The following ACAN variants were observed in gnomAD, a reference collection of about 807,000 sequenced individuals.
The protein encoded by ACAN is aggrecan, also known as aggrecan core protein.
In ACAN, 47 loss-of-function variants were observed where a neutral mutation model predicts 169.1. The observed-to-expected ratio is 0.28, with a 90% CI of 0.22 to 0.35. The LOEUF is 0.35. Ranked by LOEUF, ACAN falls within the 10% of genes least tolerant of loss-of-function variation. The pLI, the probability that ACAN is intolerant of heterozygous loss-of-function variation, is 1.00. For synonymous variants in ACAN, 1,115 were observed against 1,112.2 expected, an observed-to-expected ratio of 1.00 and a Z score of -0.05; for missense variants, 2,716 against 2,759.9, an observed-to-expected ratio of 0.98 and a Z score of 0.36.
chr15:88,836,942 C>T (rs1472179779), intron 2 of ACAN, among the ~76,000 whole-genome samples: 1 of 152,248 alleles, frequency 6.6e-6, no homozygotes, highest in Non-Finnish European at 1.5e-5. Flanking sequence ...CCCCACTGGC[C>T]ATCCTCCAGC....
chr15:88,852,196 G>C (rs768664918), intron 11 of ACAN, among the ~76,000 whole-genome samples, 163 bp downstream of exon 11: 1 of 152,200 alleles, frequency 6.6e-6, no homozygotes, highest in Non-Finnish European at 1.5e-5. Context: ...AGCCACCTCA[G>C]CTGGCCTCTA....
chr15:88,872,013 A>C lies in ACAN; in HGVS notation c.7230A>C (p.Gln2410His). The change falls in exon 16 of 19, where the codon CAA becomes CAC. Residue 2410 changes from glutamine to histidine, a missense_variant. Gln to His is a conservative substitution (Grantham distance 24, BLOSUM62 0). Transcript: ENST00000560601. This position sits in a 1 kb window ranked among gnomAD's most constrained non-coding sequence, Gnocchi z 5.4. ...EEQEFVNNNA[Q>H]DYQWIGLNDR... ...TCACCCTTTCCCCAGACAATGCCCA[A>C]GACTACCAGTGGATCGGCCTGAACG... The C allele has an allele frequency of 6.2e-7, 1 of 1,613,940 alleles. No homozygotes were observed. Among genetic ancestry groups the C allele is most frequent in the Non-Finnish European group, 8.5e-7 (1 of 1,179,874 alleles).
In ACAN at chr15:88,873,239, C is replaced by A. The variant is rs559717341; in HGVS notation, c.7447+214C>A. 6.6e-6 allele frequency among the ~76,000 whole-genome samples: 1 copy of A among 152,260 alleles called. No homozygotes were observed. The highest frequency in any genetic ancestry group is 6.5e-5 in the Admixed American group (1 of 15,296). ...CAAGGGCAAGCTCGCTGCCAGGGACCGTTTGCAGGGACAGCAAGCACATGA... is the reference window on the plus strand; with the variant it reads ...CAAGGGCAAGCTCGCTGCCAGGGACAGTTTGCAGGGACAGCAAGCACATGA... On this transcript the variant is annotated intron_variant, in intron 17 of 18. Transcript: ENST00000560601. This position sits in a 1 kb window ranked among gnomAD's most constrained non-coding sequence, Gnocchi z 7.5.
At chr15:88,815,733 C>T (rs987486095) in intron 1 of ACAN, among the ~76,000 whole-genome samples, 5 of 147,940 alleles carry the variant, frequency 3.4e-5, no homozygotes, top group East Asian at 2.0e-4. Context: ...GAAATCTAAG[C>T]GACCCTGAGG....
chr15:88,855,061 T>G lies in ACAN; in HGVS notation c.2476T>G (p.Ser826Ala), dbSNP rs1275046894. Residue 826 changes from serine to alanine, a missense_variant, in exon 12 of 19, where the codon TCC becomes GCC. Transcript: ENST00000560601. ...GTTCCCCTCAGAGGAGCCATTCCCC[T>G]CCAAGGAGCCATCCCCCTCAGAGGA... Reference protein sequence around the residue: ...ELFPSEEPFPSKEPSPSEEPS... With the variant: ...ELFPSEEPFPAKEPSPSEEPS... The G allele has an allele frequency of 6.3e-7, 1 of 1,585,344 alleles. No homozygotes were observed. The highest frequency in any genetic ancestry group is 8.6e-7 in the Non-Finnish European group (1 of 1,167,712).
At chr15:88,842,769 C>G (rs1388461358) in intron 5 of ACAN, among the ~76,000 whole-genome samples, 1 of 152,218 alleles carries the variant, frequency 6.6e-6, no homozygotes, top group Non-Finnish European at 1.5e-5. Flanking sequence ...AGAACCACCC[C>G]TGTGAGTGGA....
chr15:88,830,835 G>A (rs1047829868), intron 1 of ACAN, among the ~76,000 whole-genome samples: 2 of 152,098 alleles, frequency 1.3e-5, no homozygotes, highest in African/African-American at 4.8e-5. Flanking sequence ...CACTAAATTT[G>A]TAAAAATAAA....
intron 7 of ACAN, among the ~76,000 whole-genome samples, chr15:88,846,333 T>C (rs1896791094): frequency 6.6e-6 from 1 of 152,204 alleles, no homozygotes; most frequent in Non-Finnish European, 1.5e-5. Context: ...GTGGGCTGGG[T>C]TTAGCTGTTC....
chr15:88,874,935 T>C lies in ACAN; in HGVS notation c.*454T>C. The C allele has an allele frequency of 3.2e-6, 1 of 314,852 alleles. No individual in the cohort carries two copies. Among genetic ancestry groups the C allele is most frequent in the Non-Finnish European group, 6.1e-6 (1 of 163,120 alleles). 19.5% of individuals were successfully genotyped at this position (314,852 alleles called of 1,614,324 possible). On this transcript the variant is annotated 3_prime_UTR_variant, in exon 19 of 19. Coordinates refer to ENST00000560601, the MANE Select transcript of ACAN (RefSeq NM_001369268.1). The surrounding 1 kb of genome is among the most constrained non-coding windows in gnomAD (Gnocchi z 7.3). ...AAAGGAGCTGGAAGGAGCAGAGGCC[T>C]GAGAGCAGGAAGAACTCGGAACCGC...
In ACAN at chr15:88,873,045, G is replaced by T; in HGVS notation, c.7447+20G>T. On this transcript the variant is annotated intron_variant, in intron 17 of 18. Coordinates refer to ENST00000560601, the MANE Select transcript of ACAN (RefSeq NM_001369268.1). This position sits in a 1 kb window ranked among gnomAD's most constrained non-coding sequence, Gnocchi z 7.5. ...GCACAGGTAAGCTGGCGCCTGGGAGGGGTCAGGGGAGGATAGGATCAAGAC... is the reference window on the plus strand; with the variant it reads ...GCACAGGTAAGCTGGCGCCTGGGAGTGGTCAGGGGAGGATAGGATCAAGAC... 1 of 1,608,956 alleles carries T rather than the reference G, an allele frequency of 6.2e-7. No homozygotes were observed. Among genetic ancestry groups the T allele is most frequent in the East Asian group, 2.2e-5 (1 of 44,762 alleles).
intron 13 of ACAN, among the ~76,000 whole-genome samples, chr15:88,865,578 C>T (rs1220818684): frequency 6.6e-6 from 1 of 152,198 alleles, no homozygotes; most frequent in African/African-American, 2.4e-5. Flanking sequence ...ACTTGGCTCA[C>T]AGGAGGTTCT....
rs1897468304 is a variant in ACAN, at chr15:88,874,597, T to G, written c.*116T>G. On this transcript the variant is annotated 3_prime_UTR_variant, in exon 19 of 19. Coordinates refer to ENST00000560601, the MANE Select transcript of ACAN (RefSeq NM_001369268.1). The surrounding 1 kb of genome is among the most constrained non-coding windows in gnomAD (Gnocchi z 7.3). ...CTTTTTGTCATATAAGGAATCCCATTAAAGAAGGAAAAAAATAAATCCCAC... is the reference window on the plus strand; with the variant it reads ...CTTTTTGTCATATAAGGAATCCCATGAAAGAAGGAAAAAAATAAATCCCAC... 1 of 1,011,528 alleles carries G rather than the reference T, an allele frequency of 9.9e-7. No individual in the cohort carries two copies. The highest frequency in any genetic ancestry group is 2.0e-5 in the Admixed American group (1 of 50,168). 62.7% of individuals were successfully genotyped at this position (1,011,528 alleles called of 1,614,324 possible).
At position 88,873,107 on chromosome 15, in the gene ACAN, G is replaced by C. The variant is rs2141643067; in HGVS notation, c.7447+82G>C. The C allele has an allele frequency of 6.6e-7, 1 of 1,508,562 alleles. No individual in the cohort carries two copies. The highest frequency in any genetic ancestry group is 2.4e-5 in the East Asian group (1 of 41,846). The allele number at this position is 1,508,562 out of a possible 1,614,324, so 93.4% of individuals were successfully genotyped here. On this transcript the variant is annotated intron_variant, in intron 17 of 18. Transcript: ENST00000560601. The surrounding 1 kb of genome is among the most constrained non-coding windows in gnomAD (Gnocchi z 7.5). ...GGTGAGGCTCTTGCTGTGTGGCCTG[G>C]GGTGAGTCCCTTGTCTTCTGGCTGC...
rs1198065372 is a variant in ACAN at position 88,843,106 on chromosome 15, T to A, written c.758-249T>A. On this transcript the variant is annotated intron_variant, in intron 5 of 18. Coordinates refer to ENST00000560601, the MANE Select transcript of ACAN (RefSeq NM_001369268.1). This position sits in a 1 kb window ranked among gnomAD's most constrained non-coding sequence, Gnocchi z 4.0. ...CAGATTTCAAGTTTGCTCCACCCTT[T>A]GCCCAATCTCCCTGCCACTTTTGCT... 6.6e-6 allele frequency among the ~76,000 whole-genome samples: 1 copy of A among 152,244 alleles called. No individual in the cohort carries two copies. The highest frequency in any genetic ancestry group is 6.5e-5 in the Admixed American group (1 of 15,290).
rs372303872 is a variant in ACAN, at chr15:88,858,201, G to A, written c.5616G>A (p.Val1872=). ...ATCTGTCAGGCAAATCTGGGATGGT[G>A]GATGTCAGTGGACAGTTTTCTGGAA... ...EADLSGKSGM[V]DVSGQFSGTV... The change falls in exon 12 of 19, where the codon GTG becomes GTA. Residue 1872 remains valine (V), a synonymous_variant. Coordinates refer to ENST00000560601, the MANE Select transcript of ACAN (RefSeq NM_001369268.1). The surrounding 1 kb of genome is among the most constrained non-coding windows in gnomAD (Gnocchi z 4.0). 1.4e-5 allele frequency: 22 copies of A among 1,613,774 alleles called. No homozygotes were observed. The highest frequency in any genetic ancestry group is 1.3e-5 in the African/African-American group (1 of 74,902).
In ACAN at chr15:88,849,788, G is replaced by C. The variant is rs1896891263; in HGVS notation, c.2026+57G>C. 1 of 1,583,282 alleles carries C rather than the reference G, an allele frequency of 6.3e-7. No individual in the cohort carries two copies. Among genetic ancestry groups the C allele is most frequent in the Non-Finnish European group, 8.6e-7 (1 of 1,164,322 alleles). On this transcript the variant is annotated intron_variant, in intron 10 of 18. Transcript: ENST00000560601. The surrounding 1 kb of genome is among the most constrained non-coding windows in gnomAD (Gnocchi z 5.1). ...CTTTTGTCTGGAGAGGACCCCACTG[G>C]GTTCACCGGATCCTGCCACCACCCA...
rs536150652 is a variant in ACAN at position 88,813,414 on chromosome 15, GCTCAGGGA to G, written c.-8+9609_-8+9616del. Among the ~76,000 whole-genome samples the G allele has an allele frequency of 1.7e-3, 253 of 152,280 alleles. 1 individual carries two copies. Among genetic ancestry groups the G allele is most frequent in the African/African-American group, 5.9e-3 (245 of 41,552 alleles). ...AGAATATGTCTTTACTGTGGCCATG[GCTCAGGGA>G]CTCTGCACAGTCAGAATGGCCACCA... On this transcript the variant is annotated intron_variant, in intron 1 of 18. Coordinates refer to ENST00000560601, the MANE Select transcript of ACAN (RefSeq NM_001369268.1).
At chr15:88,823,298 A>G (rs901016563) in intron 1 of ACAN, among the ~76,000 whole-genome samples, 1 of 152,234 alleles carries the variant, frequency 6.6e-6, no homozygotes, top group Non-Finnish European at 1.5e-5. Flanking sequence ...CTCAGGTCTG[A>G]TATTTACACA....
At chr15:88,847,854 T>A in intron 8 of ACAN, 57 bp from the exon 9 acceptor site, 5 of 1,590,624 alleles carry the variant, frequency 3.1e-6, no homozygotes, top group Non-Finnish European at 4.3e-6. Context: ...CCCAGGGCCG[T>A]GCATCTACCA....
Sources: gnomAD v4.1 joint callset for allele counts (sites outside exome capture counted in the v4.1 genomes callset) on GRCh38, gnomAD v4.1.1 for gene constraint, Gnocchi (gnomAD v3.1) non-coding constraint, MANE v1.5 for transcripts, NCBI Gene and HGNC (gene_info 2026-07-23, HGNC 2026-07-21) for gene names.